Variants in ARFGEF3 observed in about 807,000 individuals in gnomAD.
ARFGEF3 encodes the protein brefeldin A-inhibited guanine nucleotide-exchange protein 3.
A neutral mutation model predicts 221.7 loss-of-function variants in ARFGEF3; 96 were observed. The observed-to-expected ratio is 0.43, with a 90% confidence interval of 0.37 to 0.51. The LOEUF (loss-of-function observed/expected upper bound fraction) is 0.51, where lower values mean the gene tolerates loss of function less well. Among genes scored for constraint, ARFGEF3 ranks in the 20% least tolerant of loss-of-function variants. ARFGEF3 has a pLI of 0.00. For synonymous variants in ARFGEF3, 1,145 were observed against 1,126.8 expected (o/e 1.02, Z -0.32); for missense variants, 2,410 against 2,789.9 (o/e 0.86, Z 3.07).
chr6:138,166,705 A>T (rs991583102), intron 1 of ARFGEF3, among the ~76,000 whole-genome samples: 11 of 152,194 alleles, frequency 7.2e-5, no homozygotes, highest in African/African-American at 2.4e-4. Flanking sequence ...AGAATTGCAG[A>T]ACAGGAGAGC....
chr6:138,281,961 G>T (rs1562378355), intron 14 of ARFGEF3, among the ~76,000 whole-genome samples: 1 of 151,970 alleles, frequency 6.6e-6, no homozygotes, highest in Non-Finnish European at 1.5e-5. Flanking sequence ...TGGTTTTTTT[G>T]TTTGGTTGTT....
chr6:138,307,812 G>A (rs34178134), intron 23 of ARFGEF3, among the ~76,000 whole-genome samples: 20,389 of 152,150 alleles, frequency 0.13, 1,861 homozygotes, highest in East Asian at 0.45. Context: ...GCCCAGGGGT[G>A]TTGTCTCAGA....
intron 12 of ARFGEF3, among the ~76,000 whole-genome samples, chr6:138,274,539 C>T (rs1779060774): frequency 6.6e-6 from 1 of 152,262 alleles, no homozygotes; most frequent in African/African-American, 2.4e-5. Flanking sequence ...GTGGCTCACA[C>T]CTGTAATCCC....
rs151057913 is a variant in ARFGEF3, at chr6:138,276,969, C to T, written c.2129-1482C>T. Among the ~76,000 whole-genome samples the T allele has an allele frequency of 5.6e-3, 848 of 152,142 alleles. 2 individuals carry two copies. Among genetic ancestry groups the T allele is most frequent in the Non-Finnish European group, 9.4e-3 (636 of 68,006 alleles). ...GTGTGAGCCACTGCACCTGGCCTAA[C>T]GTGTTTTGATGTATTACATTATTAT... On this transcript the variant is annotated intron_variant, in intron 12 of 33. Transcript: ENST00000251691.
At chr6:138,270,522 A>G (rs1001730691) in intron 12 of ARFGEF3, among the ~76,000 whole-genome samples, 1 of 151,932 alleles carries the variant, frequency 6.6e-6, no homozygotes, top group African/African-American at 2.4e-5. Context: ...CAGCTCTAGC[A>G]CTGAACAGCT....
At position 138,194,699 on chromosome 6, in the gene ARFGEF3, A is replaced by G. The variant is rs11752414; in HGVS notation, c.138-12343A>G. On this transcript the variant is annotated intron_variant, in intron 2 of 33. Coordinates refer to ENST00000251691, the MANE Select transcript of ARFGEF3 (RefSeq NM_020340.5). ...GATCACAAGCCTCACTTCAGTCAAG[A>G]AGGCTTTAGGGAGAGGAAACAATTC... 2.2e-3 allele frequency among the ~76,000 whole-genome samples: 330 copies of G among 152,334 alleles called. 8 individuals carry two copies. The highest frequency in any genetic ancestry group is 2.6e-4 in the Non-Finnish European group (18 of 68,022).
intron 22 of ARFGEF3, among the ~76,000 whole-genome samples, chr6:138,301,482 G>A (rs1425977782): frequency 1.3e-5 from 2 of 152,174 alleles, no homozygotes; most frequent in Non-Finnish European, 2.9e-5. Flanking sequence ...GTGGGGAGAA[G>A]ACCATTGGCT....
rs1031831333 is a variant in ARFGEF3, at chr6:138,253,801, C to T, written c.666-79C>T. 26 of 1,134,494 alleles carry T rather than the reference C, an allele frequency of 2.3e-5. No homozygotes were observed. In the East Asian group the frequency reaches 3.1e-4, roughly 14 times the overall value. 70.3% of individuals were successfully genotyped at this position (1,134,494 alleles called of 1,614,324 possible). ...ACTTTAGTAACGCCTACCATTTTTC[C>T]GAGCGTGTTTCCACACATCACCTCT... On this transcript the variant is annotated intron_variant, in intron 8 of 33. Transcript: ENST00000251691.
In ARFGEF3 at chr6:138,338,446, T is replaced by G. The variant is rs548118351; in HGVS notation, c.*1960T>G. The G allele has an allele frequency of 6.6e-6, 1 of 152,324 alleles. No homozygotes were observed. The highest frequency in any genetic ancestry group is 2.1e-4 in the South Asian group (1 of 4,830). 9.4% of individuals were successfully genotyped at this position (152,324 alleles called of 1,614,324 possible). A position where few individuals can be genotyped will look rare whatever the true frequency, so the allele number is the denominator to read the frequency against. On this transcript the variant is annotated 3_prime_UTR_variant, in exon 34 of 34. Coordinates refer to ENST00000251691, the MANE Select transcript of ARFGEF3 (RefSeq NM_020340.5). ...AGTAAAGCAGAGGCTAGAATTACAG[T>G]ATTTATACATAGCAACTTTTCATAA...
intron 4 of ARFGEF3, among the ~76,000 whole-genome samples, chr6:138,218,944 AC>A (rs1276516364): frequency 2.6e-5 from 4 of 151,030 alleles, no homozygotes; most frequent in Non-Finnish European, 5.9e-5. Flanking sequence ...GCTTTTTTAG[AC>A]CTTTTTTTAT....
intron 4 of ARFGEF3, among the ~76,000 whole-genome samples, chr6:138,219,098 G>A (rs1412447238): frequency 3.9e-5 from 6 of 152,202 alleles, no homozygotes; most frequent in Non-Finnish European, 8.8e-5. Context: ...CAAGGTAGCT[G>A]TGTATGTTTA....
At chr6:138,165,874 T>G (rs1315682078) in intron 1 of ARFGEF3, among the ~76,000 whole-genome samples, 1 of 152,256 alleles carries the variant, frequency 6.6e-6, no homozygotes, top group Non-Finnish European at 1.5e-5. Flanking sequence ...ACTTCTCCAG[T>G]CACTCCTGCC....
At chr6:138,232,464 A>G (rs1452217486) in intron 5 of ARFGEF3, among the ~76,000 whole-genome samples, 1 of 152,100 alleles carries the variant, frequency 6.6e-6, no homozygotes, top group Non-Finnish European at 1.5e-5. Context: ...TCCATTGGAA[A>G]GGTTTTTTAT....
At chr6:138,239,414 G>T (rs938107672) in intron 6 of ARFGEF3, among the ~76,000 whole-genome samples, 1 of 152,054 alleles carries the variant, frequency 6.6e-6, no homozygotes, top group Admixed American at 6.5e-5. Flanking sequence ...TTGGGAGGCC[G>T]AGGCAGGTGG....
Position 138,336,716 on chromosome 6 carries a change from A to G in ARFGEF3, c.*230A>G. On this transcript the variant is annotated 3_prime_UTR_variant, in exon 34 of 34. Coordinates refer to ENST00000251691, the MANE Select transcript of ARFGEF3 (RefSeq NM_020340.5). ...ATATTCTGATTTTGCACATTATTATAGAAGAATCTATAATCCTTGATATGT... is the reference window on the plus strand; with the variant it reads ...ATATTCTGATTTTGCACATTATTATGGAAGAATCTATAATCCTTGATATGT... 1 of 363,224 alleles carries G rather than the reference A, an allele frequency of 2.8e-6. No individual in the cohort carries two copies. The allele number at this position is 363,224 out of a possible 1,614,324, so 22.5% of individuals were successfully genotyped here.
At chr6:138,329,911 AAG>A (rs1487006123) in intron 32 of ARFGEF3, among the ~76,000 whole-genome samples, 6 of 152,212 alleles carry the variant, frequency 3.9e-5, no homozygotes, top group South Asian at 2.1e-4. Context: ...TGAGTCAGAA[AAG>A]AGAGTCAGCG....
At chr6:138,191,408 T>C (rs2114468224) in intron 2 of ARFGEF3, among the ~76,000 whole-genome samples, 1 of 152,256 alleles carries the variant, frequency 6.6e-6, no homozygotes, top group African/African-American at 2.4e-5. Context: ...TGGCACGAAA[T>C]GGACATATCT....
At chr6:138,209,615 A>G (rs1220224561) in intron 3 of ARFGEF3, among the ~76,000 whole-genome samples, 1 of 151,636 alleles carries the variant, frequency 6.6e-6, no homozygotes, top group Non-Finnish European at 1.5e-5. Context: ...ACGCCTGGCT[A>G]ATTTTTGTGT....
chr6:138,309,527 C>T (rs1172183542), intron 24 of ARFGEF3, among the ~76,000 whole-genome samples: 1 of 152,114 alleles, frequency 6.6e-6, no homozygotes, highest in Non-Finnish European at 1.5e-5. Context: ...TCATATGACA[C>T]TGAGAATAGG....
Sources: allele counts gnomAD v4.1 joint callset (sites outside exome capture counted in the v4.1 genomes callset), GRCh38; gene constraint gnomAD v4.1.1; transcripts MANE v1.5; gene names NCBI Gene and HGNC (gene_info 2026-07-23, HGNC 2026-07-21).